ZBTB7C: variants seen among roughly 807,000 people sequenced by gnomAD.
ZBTB7C encodes the protein zinc finger and BTB domain-containing protein 7C.
ZBTB7C carries 8 observed loss-of-function variants against 25.7 expected under a neutral mutation model. The observed-to-expected ratio is 0.31, with a 90% confidence interval of 0.18 to 0.56. ZBTB7C has a LOEUF of 0.56. Ranked by LOEUF, ZBTB7C falls within the 20% of genes least tolerant of loss-of-function variation. The probability of loss-of-function intolerance (pLI) is 0.91; values close to 1 mark genes in which losing one functional copy is unlikely to be tolerated. For missense variants in ZBTB7C, 824 were observed against 855.2 expected, an observed-to-expected ratio of 0.96 and a Z score of 0.46; for synonymous variants, 394 against 369.0, an observed-to-expected ratio of 1.07 and a Z score of -0.78.
chr18:48,164,439 C>T (rs1000310436), intron 3 of ZBTB7C, among the ~76,000 whole-genome samples: 4 of 152,178 alleles, frequency 2.6e-5, no homozygotes, highest in African/African-American at 9.7e-5. Context: ...CCCATACACA[C>T]AGTCACAACA....
intron 3 of ZBTB7C, among the ~76,000 whole-genome samples, chr18:48,065,820 G>A (rs1443287726): frequency 6.6e-6 from 1 of 152,186 alleles, no homozygotes; most frequent in East Asian, 1.9e-4. Context: ...GGCCGTTGGA[G>A]AAGTGGTCTT....
chr18:48,317,815 A>T (rs1191552574), intron 2 of ZBTB7C, among the ~76,000 whole-genome samples: 1 of 152,152 alleles, frequency 6.6e-6, no homozygotes, highest in Non-Finnish European at 1.5e-5. Context: ...AAACATACAG[A>T]TCCCAGGTCC....
chr18:48,369,676 TGGTCAATCC>T (rs2047340615), intron 1 of ZBTB7C, among the ~76,000 whole-genome samples: 1 of 152,148 alleles, frequency 6.6e-6, no homozygotes, highest in Non-Finnish European at 1.5e-5. Flanking sequence ...AATGATAAAA[TGGTCAATCC>T]ACCAGAATAT....
At chr18:48,111,140 C>T (rs756295723) in intron 3 of ZBTB7C, among the ~76,000 whole-genome samples, 4 of 152,098 alleles carry the variant, frequency 2.6e-5, no homozygotes, top group Admixed American at 6.5e-5. Flanking sequence ...TGCCCTGACC[C>T]GAAACTGATG....
At chr18:48,116,711 C>G (rs944945717) in intron 3 of ZBTB7C, among the ~76,000 whole-genome samples, 3 of 152,100 alleles carry the variant, frequency 2.0e-5, no homozygotes, top group African/African-American at 7.2e-5. Flanking sequence ...GGCCCTGGGC[C>G]CTCTCTGTCA....
At chr18:48,100,325 G>A (rs1048432422) in intron 3 of ZBTB7C, among the ~76,000 whole-genome samples, 10 of 152,124 alleles carry the variant, frequency 6.6e-5, no homozygotes, top group African/African-American at 1.4e-4. Flanking sequence ...TAAGCCCCTC[G>A]GTGAGCAGGA....
intron 3 of ZBTB7C, among the ~76,000 whole-genome samples, chr18:48,118,444 G>A (rs2039520213): frequency 6.6e-6 from 1 of 152,062 alleles, no homozygotes; most frequent in African/African-American, 2.4e-5. Flanking sequence ...TTTTTATAGG[G>A]TTAATATATT....
chr18:48,243,390 G>T (rs1257532230), intron 2 of ZBTB7C, among the ~76,000 whole-genome samples: 2 of 151,266 alleles, frequency 1.3e-5, no homozygotes, highest in South Asian at 2.1e-4. Context: ...ACCAAGTTGA[G>T]AATCAAATCA....
At chr18:48,169,718 A>G (rs969988342) in intron 3 of ZBTB7C, 1 of 152,366 alleles carries the variant, frequency 6.6e-6, no homozygotes, top group Admixed American at 6.5e-5. Flanking sequence ...CCCATTTCAC[A>G]TCTGTTTTCT....
chr18:48,357,931 T>C (rs2047013478), intron 1 of ZBTB7C, among the ~76,000 whole-genome samples: 1 of 152,178 alleles, frequency 6.6e-6, no homozygotes, highest in Admixed American at 6.5e-5. Flanking sequence ...TCCCCAGCGT[T>C]GGAGGTGAGG....
At chr18:48,248,137 T>C (rs2043748892) in intron 2 of ZBTB7C, among the ~76,000 whole-genome samples, 2 of 152,086 alleles carry the variant, frequency 1.3e-5, no homozygotes, top group South Asian at 2.1e-4. Flanking sequence ...CCCAGCCATG[T>C]GGAACTGTGT....
intron 2 of ZBTB7C, among the ~76,000 whole-genome samples, chr18:48,278,966 A>T (rs1282451744): frequency 2.0e-5 from 3 of 149,254 alleles, no homozygotes; most frequent in Non-Finnish European, 3.0e-5. Context: ...TTAATTCATC[A>T]ATTGGAGAAT....
chr18:48,077,051 G>A, intron 3 of ZBTB7C: 3 of 419,932 alleles, frequency 7.1e-6, no homozygotes, highest in Non-Finnish European at 8.8e-6. Flanking sequence ...TGCACAATAT[G>A]TTGTTATATG....
chr18:48,271,656 G>A (rs975960682), intron 2 of ZBTB7C, among the ~76,000 whole-genome samples: 4 of 151,012 alleles, frequency 2.6e-5, no homozygotes, highest in African/African-American at 9.7e-5. Context: ...TGCTAAAAAT[G>A]TAAAATGTTC....
intron 3 of ZBTB7C, among the ~76,000 whole-genome samples, chr18:48,055,470 T>C (rs1357801144): frequency 1.4e-5 from 2 of 148,000 alleles, no homozygotes; most frequent in Non-Finnish European, 3.0e-5. Flanking sequence ...ATCAGGAATA[T>C]GGAAGCCAGC....
chr18:48,160,723 GA>G (rs2040983046), intron 3 of ZBTB7C, among the ~76,000 whole-genome samples: 1 of 152,140 alleles, frequency 6.6e-6, no homozygotes. Context: ...TTTGCTACCT[GA>G]AAATGTAAGA....
intron 1 of ZBTB7C, among the ~76,000 whole-genome samples, chr18:48,341,684 G>C (rs1352811469): frequency 6.6e-6 from 1 of 152,196 alleles, no homozygotes; most frequent in Non-Finnish European, 1.5e-5. Context: ...TGTTACCTTA[G>C]AGGCCTACTA....
chr18:48,031,125 C>A (rs1598740752), intron 4 of ZBTB7C, among the ~76,000 whole-genome samples: 1 of 152,144 alleles, frequency 6.6e-6, no homozygotes, highest in South Asian at 2.1e-4. Flanking sequence ...AGATTTAAAC[C>A]CTGTTTAACG....
chr18:48,253,002 A>G (rs2078002305), intron 2 of ZBTB7C, among the ~76,000 whole-genome samples: 1 of 152,238 alleles, frequency 6.6e-6, no homozygotes, highest in African/African-American at 2.4e-5. Flanking sequence ...CAAAGTCAAT[A>G]TTGAAAAGAT....
Sources: gnomAD v4.1 joint callset for allele counts (sites outside exome capture counted in the v4.1 genomes callset) on GRCh38, gnomAD v4.1.1 for gene constraint, MANE v1.5 for transcripts, NCBI Gene and HGNC (gene_info 2026-07-23, HGNC 2026-07-21) for gene names.